The following CCDC60 variants were observed in gnomAD, a reference collection of about 807,000 sequenced individuals.
CCDC60 encodes coiled-coil domain-containing protein 60.
Under a neutral mutation model 63.5 loss-of-function variants are expected in CCDC60, and 54 were observed. The observed-to-expected ratio is 0.85, with a 90% confidence interval of 0.68 to 1.07. The LOEUF is 1.07. CCDC60 is among the 50% of genes least tolerant of loss of function. The pLI is 0.00. For synonymous variants in CCDC60, 206 were observed against 238.8 expected, an observed-to-expected ratio of 0.86 and a Z score of 1.27; for missense variants, 651 against 684.3, an observed-to-expected ratio of 0.95 and a Z score of 0.54.
intron 5 of CCDC60, among the ~76,000 whole-genome samples, chr12:119,495,702 A>T (rs939904483): frequency 1.3e-5 from 2 of 152,192 alleles, no homozygotes; most frequent in African/African-American, 4.8e-5. Context: ...CTCCCCCCAC[A>T]ACCAAGAAAA....
At chr12:119,513,480 A>G (rs1203008103) in intron 7 of CCDC60, among the ~76,000 whole-genome samples, 1 of 152,126 alleles carries the variant, frequency 6.6e-6, no homozygotes, top group Non-Finnish European at 1.5e-5. Context: ...TGGTTCATAA[A>G]TGCATCACTT....
chr12:119,438,599 C>A (rs1950373725), intron 2 of CCDC60, among the ~76,000 whole-genome samples: 1 of 152,202 alleles, frequency 6.6e-6, no homozygotes, highest in African/African-American at 2.4e-5. Context: ...ATAACAAGAT[C>A]TATTCCACAC....
chr12:119,472,259 A>C, intron 3 of CCDC60, 95 bp downstream of exon 3: 4 of 1,159,836 alleles, frequency 3.4e-6, no homozygotes, highest in South Asian at 1.4e-5. Context: ...CAGCTATCTC[A>C]GAGCACGTGC....
chr12:119,429,269 G>A lies in CCDC60; in HGVS notation c.170+507G>A, dbSNP rs75589574. Among the ~76,000 whole-genome samples, 1,438 of 152,234 alleles carry A rather than the reference G, an allele frequency of 9.4e-3. 31 individuals are homozygous for A. Among genetic ancestry groups the A allele is most frequent in the African/African-American group, 0.032 (1,315 of 41,520 alleles). On this transcript the variant is annotated intron_variant, in intron 2 of 13. Coordinates refer to ENST00000327554, the MANE Select transcript of CCDC60 (RefSeq NM_178499.5). The stretch of plus-strand genomic sequence containing the variant: ...TGTCCCTCATATGGCCTTGAATACA[G>A]GGCTGTTCCTATCTTTCCTCTCCTC...
intron 2 of CCDC60, among the ~76,000 whole-genome samples, chr12:119,461,015 T>C (rs1231868058): frequency 6.6e-6 from 1 of 152,060 alleles, no homozygotes; most frequent in African/African-American, 2.4e-5. Context: ...GCTTGGAGCA[T>C]GCAAATAGAG....
intron 1 of CCDC60, among the ~76,000 whole-genome samples, chr12:119,404,736 G>T (rs551273850): frequency 7.2e-5 from 11 of 152,276 alleles, no homozygotes; most frequent in African/African-American, 2.6e-4. Context: ...CTCAGCTCTA[G>T]ATAAGATCTT....
At chr12:119,496,262 G>T (rs1326709337) in intron 5 of CCDC60, among the ~76,000 whole-genome samples, 1 of 152,196 alleles carries the variant, frequency 6.6e-6, no homozygotes, top group Non-Finnish European at 1.5e-5. Flanking sequence ...TACCCCAGAT[G>T]GGAGTTCAGA....
intron 1 of CCDC60, among the ~76,000 whole-genome samples, chr12:119,364,860 A>T (rs1008100091): frequency 3.3e-5 from 5 of 152,176 alleles, no homozygotes; most frequent in African/African-American, 9.7e-5. Context: ...TTGTCCAGGG[A>T]TTCAGGAAAA....
chr12:119,438,180 GT>G (rs376292157), intron 2 of CCDC60, among the ~76,000 whole-genome samples: 42 of 152,038 alleles, frequency 2.8e-4, no homozygotes, highest in African/African-American at 9.4e-4. Context: ...TTTAGGGTGA[GT>G]TTTTTTTCTC....
intron 2 of CCDC60, among the ~76,000 whole-genome samples, chr12:119,449,750 G>T (rs1950598540): frequency 6.6e-6 from 1 of 152,108 alleles, no homozygotes; most frequent in Non-Finnish European, 1.5e-5. Flanking sequence ...TGGCCAGACA[G>T]GTCAATCAGC....
intron 1 of CCDC60, among the ~76,000 whole-genome samples, chr12:119,424,184 G>T (rs1355313495): frequency 6.6e-6 from 1 of 152,066 alleles, no homozygotes. Flanking sequence ...AACCTAATTT[G>T]TATCAGATCA....
intron 1 of CCDC60, among the ~76,000 whole-genome samples, chr12:119,338,498 C>A (rs1392936307): frequency 6.6e-6 from 1 of 152,156 alleles, no homozygotes; most frequent in Admixed American, 6.5e-5. Context: ...GTCCCTTACC[C>A]AAGGGCACCC....
chr12:119,527,662 C>CTTTT (rs1952716549), intron 11 of CCDC60, among the ~76,000 whole-genome samples: 2 of 93,268 alleles, frequency 2.1e-5, no homozygotes, highest in African/African-American at 4.7e-5. Context: ...TTCTTTCTTT[C>CTTTT]TTTCTTTTTT....
chr12:119,503,160 G>C (rs1038515091), intron 6 of CCDC60, among the ~76,000 whole-genome samples: 2 of 152,180 alleles, frequency 1.3e-5, no homozygotes, highest in Non-Finnish European at 2.9e-5. Context: ...CTGGGCAACA[G>C]AGTCAGACCC....
chr12:119,467,134 T>C (rs927214109), intron 2 of CCDC60, among the ~76,000 whole-genome samples: 4 of 152,196 alleles, frequency 2.6e-5, no homozygotes, highest in African/African-American at 9.6e-5. Flanking sequence ...GCCTGTGGGG[T>C]GGCCCTGCTC....
At chr12:119,525,980 A>G in intron 11 of CCDC60, among the ~76,000 whole-genome samples, 1 of 152,220 alleles carries the variant, frequency 6.6e-6, no homozygotes, top group South Asian at 2.1e-4. Flanking sequence ...AAAAAGAACA[A>G]AACTGGAGGA....
At chr12:119,386,501 G>GAA (rs56754949) in intron 1 of CCDC60, among the ~76,000 whole-genome samples, 1 of 142,732 alleles carries the variant, frequency 7.0e-6, no homozygotes, top group Non-Finnish European at 1.5e-5. Context: ...TCCACTCTAA[G>GAA]AAAAAAAAAA....
chr12:119,378,689 A>G (rs1955979056), intron 1 of CCDC60, among the ~76,000 whole-genome samples: 1 of 152,138 alleles, frequency 6.6e-6, no homozygotes, highest in South Asian at 2.1e-4. Context: ...ACACAGCTGA[A>G]ATTTGCTGTC....
At chr12:119,348,729 T>C (rs1955622857) in intron 1 of CCDC60, among the ~76,000 whole-genome samples, 1 of 152,208 alleles carries the variant, frequency 6.6e-6, no homozygotes, top group African/African-American at 2.4e-5. Context: ...ATCTCCATGT[T>C]CTGGTATATG....
Sources: allele counts gnomAD v4.1 joint callset (sites outside exome capture counted in the v4.1 genomes callset), GRCh38; gene constraint gnomAD v4.1.1; transcripts MANE v1.5; gene names NCBI Gene and HGNC (gene_info 2026-07-23, HGNC 2026-07-21).